Variants in GFRA1 observed in about 807,000 individuals in gnomAD.
The protein encoded by GFRA1 is GDNF family receptor alpha 1, also known as GDNF family receptor alpha-1.
GFRA1 carries 16 observed loss-of-function variants against 51.6 expected under a neutral mutation model. That is an observed-to-expected ratio of 0.31 (90% CI 0.21 to 0.47). The LOEUF is 0.47. Among genes scored for constraint, GFRA1 ranks in the 20% least tolerant of loss-of-function variants. GFRA1 has a pLI of 1.00. For synonymous variants in GFRA1, 270 were observed against 241.3 expected (o/e 1.12, Z -1.10); for missense variants, 530 against 594.3 (o/e 0.89, Z 1.13).
intron 4 of GFRA1, among the ~76,000 whole-genome samples, chr10:116,242,520 C>T (rs1414277255): frequency 2.0e-5 from 3 of 150,582 alleles, no homozygotes; most frequent in African/African-American, 7.3e-5. Flanking sequence ...CGTGATGTGT[C>T]GCCCAGGCTG....
At position 116,065,565 on chromosome 10, in the gene GFRA1, A is replaced by G; in HGVS notation, c.1251+8T>C. 6.2e-7 allele frequency: 1 copy of G among 1,610,344 alleles called. No individual in the cohort carries two copies. Among genetic ancestry groups the G allele is most frequent in the Non-Finnish European group, 8.5e-7 (1 of 1,176,598 alleles). ...AATGCACGAAGCCTCCAAAAGAAAC[A>G]TACTTACATTGGAAATACAGAGGTG... is the stretch of plus-strand genomic sequence containing the variant. On this transcript the variant is annotated splice_region_variant and intron_variant, in intron 10 of 10. Transcript: ENST00000355422.
Position 116,096,825 on chromosome 10 carries a change from G to T in GFRA1, c.771-61C>A. Reference sequence around the variant, plus strand: ...TGCTTTAAAACATCCTAAGCCTCCGGACAGACATGTTTTCTTTATTCCTTT... The same window carrying T: ...TGCTTTAAAACATCCTAAGCCTCCGTACAGACATGTTTTCTTTATTCCTTT... On this transcript the variant is annotated intron_variant, in intron 6 of 10. Transcript: ENST00000355422. 3.4e-6 allele frequency: 3 copies of T among 872,392 alleles called. No homozygotes were observed. In the South Asian group the frequency reaches 4.2e-5, roughly 12 times the overall value. The allele number at this position is 872,392 out of a possible 1,614,324, so 54.0% of individuals were successfully genotyped here. A position where few individuals can be genotyped will look rare whatever the true frequency, so the allele number is the denominator to read the frequency against.
chr10:116,107,221 C>G (rs140244402), intron 6 of GFRA1, among the ~76,000 whole-genome samples: 196 of 152,282 alleles, frequency 1.3e-3, no homozygotes, highest in Middle Eastern at 3.4e-3. Flanking sequence ...ACCTTAGCAC[C>G]TGTTGACATC....
chr10:116,179,266 G>A (rs558487351), intron 5 of GFRA1, among the ~76,000 whole-genome samples: 1 of 152,276 alleles, frequency 6.6e-6, no homozygotes, highest in South Asian at 2.1e-4. Flanking sequence ...CAAACCCTAC[G>A]AGGTAAGTAC....
Position 116,125,287 on chromosome 10 carries a change from T to C in GFRA1, c.704A>G (p.Tyr235Cys). Residue 235 changes from tyrosine to cysteine, a missense_variant, in exon 6 of 11, where the codon TAT becomes TGT. Physicochemically the swap from Tyr to Cys is radical, Grantham distance 194. Transcript: ENST00000355422. ...ACAGTTGGGCTTCTCCCTCTCTTCA[T>C]AGGAGCACACAGGCACGATGGTCTG... is the stretch of plus-strand genomic sequence containing the variant. ...RRQTIVPVCS[Y>C]EEREKPNCLN... 3.7e-6 allele frequency: 6 copies of C among 1,614,202 alleles called. No individual in the cohort carries two copies. Among genetic ancestry groups the C allele is most frequent in the Non-Finnish European group, 5.1e-6 (6 of 1,180,042 alleles).
chr10:116,140,744 T>C (rs1958528604), intron 5 of GFRA1, among the ~76,000 whole-genome samples: 2 of 152,222 alleles, frequency 1.3e-5, no homozygotes, highest in East Asian at 3.8e-4. Flanking sequence ...AAGACTTCTT[T>C]AAACTGTCAA....
intron 4 of GFRA1, among the ~76,000 whole-genome samples, chr10:116,225,479 G>C (rs564707831): frequency 7.9e-6 from 1 of 125,980 alleles, no homozygotes; most frequent in South Asian, 2.7e-4. Flanking sequence ...AGGTTGCAGA[G>C]AGCCAAGGTC....
rs750428894 is a variant in GFRA1 at position 116,271,139 on chromosome 10, C to A, written c.41-24G>T. 22 of 1,582,064 alleles carry A rather than the reference C, an allele frequency of 1.4e-5. No homozygotes were observed. The East Asian group carries it at 4.8e-4, about 34-fold the overall frequency. ...GTCTGCGGGGCAGAGGGGAGGGAGC[C>A]TGAGTGCGGCGGGCGGGGACCCCGG... is the stretch of plus-strand genomic sequence containing the variant. On this transcript the variant is annotated intron_variant, in intron 2 of 10. Transcript: ENST00000355422.
Position 116,065,951 on chromosome 10 carries a change from C to G in GFRA1, c.1198-325G>C, listed in dbSNP as rs550737035. On this transcript the variant is annotated intron_variant, in intron 9 of 10. Coordinates refer to ENST00000355422, the MANE Select transcript of GFRA1 (RefSeq NM_005264.8). The stretch of plus-strand genomic sequence containing the variant: ...CATGGAACATCTCAATTCAGACTTA[C>G]CCCATTTCAAAGCCAAGTGGCTCCT... 4.5e-4 allele frequency among the ~76,000 whole-genome samples: 69 copies of G among 152,284 alleles called. 1 individual carries two copies. The South Asian group carries it at 0.014, about 32-fold the overall frequency.
At chr10:116,146,701 T>C (rs1216695863) in intron 5 of GFRA1, among the ~76,000 whole-genome samples, 1 of 152,190 alleles carries the variant, frequency 6.6e-6, no homozygotes, top group Non-Finnish European at 1.5e-5. Context: ...AAGCCAAATG[T>C]ATCCCCAAAA....
At chr10:116,071,338 T>C (rs1955383571) in intron 9 of GFRA1, among the ~76,000 whole-genome samples, 1 of 152,162 alleles carries the variant, frequency 6.6e-6, no homozygotes, top group Admixed American at 6.5e-5. Flanking sequence ...TTAGAAGGCC[T>C]TGTAAAGGTA....
At chr10:116,074,404 C>T (rs1955529366) in intron 9 of GFRA1, among the ~76,000 whole-genome samples, 2 of 152,186 alleles carry the variant, frequency 1.3e-5, no homozygotes, top group Admixed American at 1.3e-4. Flanking sequence ...CAGGCTCACA[C>T]AGCCAGCATG....
intron 4 of GFRA1, among the ~76,000 whole-genome samples, chr10:116,258,405 T>C (rs1185198117): frequency 8.2e-5 from 1 of 12,214 alleles, no homozygotes; most frequent in Non-Finnish European, 3.3e-4. Flanking sequence ...AAATAAAATA[T>C]ATTATATTAA....
chr10:116,219,161 T>A (rs182229196), intron 4 of GFRA1, among the ~76,000 whole-genome samples: 1 of 152,252 alleles, frequency 6.6e-6, no homozygotes, highest in Admixed American at 6.5e-5. Flanking sequence ...CCCCTATCAT[T>A]TTTATGACAT....
intron 4 of GFRA1, among the ~76,000 whole-genome samples, chr10:116,247,472 C>T (rs1967960431): frequency 6.6e-6 from 1 of 152,234 alleles, no homozygotes; most frequent in Admixed American, 6.5e-5. Flanking sequence ...GAACAAACCC[C>T]AGAGTCCTTA....
chr10:116,068,451 T>G (rs940824672), intron 9 of GFRA1, among the ~76,000 whole-genome samples: 2 of 152,184 alleles, frequency 1.3e-5, no homozygotes, highest in African/African-American at 4.8e-5. Flanking sequence ...GGCCAGAGTG[T>G]GTCGGCTGTC....
At chr10:116,204,259 G>C (rs1222639152) in intron 5 of GFRA1, among the ~76,000 whole-genome samples, 1 of 152,244 alleles carries the variant, frequency 6.6e-6, no homozygotes, top group Non-Finnish European at 1.5e-5. Context: ...GTGGTGATGG[G>C]TTAGAGTCGA....
chr10:116,239,033 G>A (rs761246850), intron 4 of GFRA1, among the ~76,000 whole-genome samples: 7 of 152,196 alleles, frequency 4.6e-5, no homozygotes, highest in Non-Finnish European at 1.0e-4. Flanking sequence ...TATATTGGAA[G>A]CAAATAGGAA....
intron 5 of GFRA1, among the ~76,000 whole-genome samples, chr10:116,190,648 G>A (rs908366680): frequency 2.0e-5 from 3 of 152,084 alleles, no homozygotes; most frequent in Non-Finnish European, 4.4e-5. Context: ...CAAAACCCCA[G>A]ACTCGTGATC....
Sources: allele counts gnomAD v4.1 joint callset (sites outside exome capture counted in the v4.1 genomes callset), GRCh38; gene constraint gnomAD v4.1.1; transcripts MANE v1.5; gene names NCBI Gene and HGNC (gene_info 2026-07-23, HGNC 2026-07-21).